PTPN13: variants seen among roughly 807,000 people sequenced by gnomAD.
The protein encoded by PTPN13 is protein tyrosine phosphatase non-receptor type 13, also known as tyrosine-protein phosphatase non-receptor type 13.
A neutral mutation model predicts 284.0 loss-of-function variants in PTPN13; 191 were observed. That is an observed-to-expected ratio of 0.67 (90% CI 0.60 to 0.76). PTPN13 has a LOEUF of 0.76. PTPN13 is among the 30% of genes least tolerant of loss of function. PTPN13 has a pLI of 0.00. For synonymous variants in PTPN13, 986 were observed against 1,022.3 expected, an observed-to-expected ratio of 0.96 and a Z score of 0.68; for missense variants, 2,797 against 2,939.9, an observed-to-expected ratio of 0.95 and a Z score of 1.12.
chr4:86,674,789 A>T (rs2148901548), intron 3 of PTPN13, among the ~76,000 whole-genome samples: 1 of 152,304 alleles, frequency 6.6e-6, no homozygotes, highest in South Asian at 2.1e-4. Flanking sequence ...TCATGAAGGT[A>T]TTCAAGTGTA....
chr4:86,803,224 A>G (rs1744243019), intron 42 of PTPN13, among the ~76,000 whole-genome samples: 1 of 150,670 alleles, frequency 6.6e-6, no homozygotes, highest in Non-Finnish European at 1.5e-5. Flanking sequence ...ATATATACAT[A>G]TATATTTATT....
chr4:86,638,410 G>A (rs187097937), intron 2 of PTPN13, among the ~76,000 whole-genome samples: 17 of 152,182 alleles, frequency 1.1e-4, no homozygotes, highest in Non-Finnish European at 8.8e-5. Context: ...GAGGCATCAC[G>A]CTACCTGACT....
At chr4:86,711,783 A>G (rs1451985943) in intron 7 of PTPN13, among the ~76,000 whole-genome samples, 1 of 152,202 alleles carries the variant, frequency 6.6e-6, no homozygotes, top group East Asian at 1.9e-4. Flanking sequence ...CAAAAGGCAA[A>G]TAAATTCAGT....
chr4:86,775,090 G>A, intron 33 of PTPN13, 81 bp from the exon 34 acceptor site: 1 of 974,530 alleles, frequency 1.0e-6, no homozygotes, highest in Non-Finnish European at 1.5e-6. Flanking sequence ...TAAATTAGGA[G>A]GATTATTGTA....
chr4:86,806,503 G>T (rs1744680092), intron 44 of PTPN13, among the ~76,000 whole-genome samples: 1 of 152,162 alleles, frequency 6.6e-6, no homozygotes, highest in Non-Finnish European at 1.5e-5. Context: ...TGTAAGAAAT[G>T]AATCTTAGAC....
intron 1 of PTPN13, among the ~76,000 whole-genome samples, chr4:86,629,641 A>G (rs1472503798): frequency 1.3e-5 from 2 of 152,170 alleles, no homozygotes; most frequent in Admixed American, 1.3e-4. Context: ...TGGCTAACTG[A>G]AGTCACCATA....
intron 7 of PTPN13, among the ~76,000 whole-genome samples, chr4:86,706,587 C>T (rs1731795146): frequency 6.6e-6 from 1 of 152,026 alleles, no homozygotes; most frequent in Non-Finnish European, 1.5e-5. Context: ...GGCAGCTAAT[C>T]CTATGACTGA....
Position 86,807,763 on chromosome 4 carries a change from A to AT in PTPN13, c.6950dup (p.Lys2318GlnfsTer41). ...GACTCAAGAAGTAGAAGGAGAAAAA[A>AT]TCAAATGCCAGCGCTATTGGCCCAA... On this transcript the variant is annotated frameshift_variant, in exon 45 of 48. Transcript: ENST00000411767. LOFTEE classifies it high-confidence loss of function. The AT allele has an allele frequency of 6.2e-7, 1 of 1,614,070 alleles. No individual in the cohort carries two copies. The highest frequency in any genetic ancestry group is 8.5e-7 in the Non-Finnish European group (1 of 1,179,908).
At chr4:86,648,511 A>C (rs1475997877) in intron 2 of PTPN13, among the ~76,000 whole-genome samples, 1 of 152,156 alleles carries the variant, frequency 6.6e-6, no homozygotes, top group Non-Finnish European at 1.5e-5. Context: ...TGTTTCACTT[A>C]ACATAATGTG....
chr4:86,731,415 A>C (rs1459097747), intron 10 of PTPN13, among the ~76,000 whole-genome samples: 1 of 152,108 alleles, frequency 6.6e-6, no homozygotes, highest in African/African-American at 2.4e-5. Flanking sequence ...CAGAGTTTGC[A>C]CTCTACTTTC....
intron 27 of PTPN13, among the ~76,000 whole-genome samples, chr4:86,767,555 C>T (rs1213855087): frequency 1.3e-5 from 2 of 152,010 alleles, no homozygotes; most frequent in African/African-American, 2.4e-5. Context: ...CATTATCATA[C>T]ATTTCTAACA....
At chr4:86,765,590 A>G (rs1739206473) in intron 26 of PTPN13, 102 bp downstream of exon 26, 2 of 763,004 alleles carry the variant, frequency 2.6e-6, no homozygotes, top group East Asian at 2.8e-5. Context: ...ATGATATGAA[A>G]TAAGAACATA....
chr4:86,693,073 A>T (rs1028306504), intron 5 of PTPN13, among the ~76,000 whole-genome samples: 4 of 14,346 alleles, frequency 2.8e-4, no homozygotes, highest in South Asian at 7.1e-3. Flanking sequence ...GTTATATTTA[A>T]AAAAAAAAAA....
chr4:86,636,951 A>G (rs1723092527), intron 2 of PTPN13, among the ~76,000 whole-genome samples: 1 of 151,260 alleles, frequency 6.6e-6, no homozygotes, highest in Non-Finnish European at 1.5e-5. Context: ...TAAAGAAAAA[A>G]AGAGAGAAGA....
chr4:86,672,656 C>A, intron 3 of PTPN13, 113 bp downstream of exon 3: 2 of 778,326 alleles, frequency 2.6e-6, no homozygotes, highest in South Asian at 2.5e-5. Flanking sequence ...TTTAAATGAC[C>A]GTGTATTCCA....
chr4:86,807,136 T>C (rs1744742287), intron 44 of PTPN13, among the ~76,000 whole-genome samples: 1 of 152,194 alleles, frequency 6.6e-6, no homozygotes, highest in Admixed American at 6.5e-5. Flanking sequence ...TAAATTGTGT[T>C]CTATGAAAAA....
chr4:86,723,527 C>A (rs892829674), intron 10 of PTPN13, among the ~76,000 whole-genome samples: 1 of 152,168 alleles, frequency 6.6e-6, no homozygotes. Context: ...CCAAAAAGAT[C>A]GGGGACCGCT....
At chr4:86,714,269 A>G (rs1435808973) in intron 7 of PTPN13, among the ~76,000 whole-genome samples, 2 of 152,050 alleles carry the variant, frequency 1.3e-5, no homozygotes, top group Non-Finnish European at 2.9e-5. Flanking sequence ...TTGACTTTTT[A>G]TTTCCAGGCA....
Position 86,785,878 on chromosome 4 carries a change from A to G in PTPN13, c.6287A>G (p.Glu2096Gly), listed in dbSNP as rs1376904947. ...GTLKMNGKLS[E>G]ERTEDTDCDG... ...TTAAAGATGAATGGGAAGTTATCAG[A>G]AGAGAGAACAGAAGATACAGACTGC... is the stretch of plus-strand genomic sequence containing the variant. The change falls in exon 40 of 48, where the codon GAA (glutamate) becomes GGA (glycine). Residue 2096 changes from glutamate (E) to glycine (G), a missense_variant. Coordinates refer to ENST00000411767, the MANE Select transcript of PTPN13 (RefSeq NM_080683.3). The G allele has an allele frequency of 6.4e-7, 1 of 1,568,494 alleles. No individual in the cohort carries two copies. The highest frequency in any genetic ancestry group is 1.9e-5 in the Admixed American group (1 of 53,678).
Sources: gnomAD v4.1 joint callset for allele counts (sites outside exome capture counted in the v4.1 genomes callset) on GRCh38, gnomAD v4.1.1 for gene constraint, MANE v1.5 for transcripts, NCBI Gene and HGNC (gene_info 2026-07-23, HGNC 2026-07-21) for gene names.